The following WRAP73 variants were observed in gnomAD, a reference collection of about 807,000 sequenced individuals.
WRAP73 encodes WD repeat containing, antisense to TP73.
A neutral mutation model predicts 59.6 loss-of-function variants in WRAP73; 55 were observed. The ratio of observed to expected loss-of-function variants is 0.92; its 90% CI spans 0.74 to 1.15. The LOEUF (loss-of-function observed/expected upper bound fraction) is 1.15. Among genes scored for constraint, WRAP73 ranks in the 50% most tolerant of loss-of-function variants. WRAP73 has a pLI of 0.00. For missense variants in WRAP73, 592 were observed against 608.1 expected (o/e 0.97, Z 0.28); for synonymous variants, 265 against 258.2 (o/e 1.03, Z -0.25).
rs1035208739 is a variant in WRAP73 at position 3,639,028 on chromosome 1, T to C, written c.340-206A>G. On this transcript the variant is annotated intron_variant, in intron 3 of 11. Transcript: ENST00000270708. This position sits in a 1 kb window ranked among gnomAD's most constrained non-coding sequence, Gnocchi z 4.3. ...ACGGTAAATTTGGTGTTCTTGGTTT[T>C]CTGTTGTTGTTGTTTTATACCAAAA... 7.3e-6 allele frequency: 4 copies of C among 551,280 alleles called. No individual in the cohort carries two copies. In the African/African-American group the frequency reaches 7.8e-5, roughly 11 times the overall value. 34.1% of individuals were successfully genotyped at this position (551,280 alleles called of 1,614,324 possible).
Position 3,644,769 on chromosome 1 carries a change from G to T in WRAP73, c.339+1897C>A, listed in dbSNP as rs1326874076. ...TAGCAAAGGTGTTTTCAATATTGGTGTGTGTGACATGGGATGCTCAACAAA... is the reference window on the plus strand; with the variant it reads ...TAGCAAAGGTGTTTTCAATATTGGTTTGTGTGACATGGGATGCTCAACAAA... On this transcript the variant is annotated intron_variant, in intron 3 of 11. Transcript: ENST00000270708. 2.6e-5 allele frequency among the ~76,000 whole-genome samples: 4 copies of T among 152,328 alleles called. No individual in the cohort carries two copies. The South Asian group carries it at 6.2e-4, about 24-fold the overall frequency.
rs1413064186 is a variant in WRAP73 at position 3,633,518 on chromosome 1, G to A, written c.817-15C>T. 10 of 1,576,352 alleles carry A rather than the reference G, an allele frequency of 6.3e-6. No individual in the cohort carries two copies. The highest frequency in any genetic ancestry group is 2.0e-5 in the Admixed American group (1 of 50,392). The stretch of plus-strand genomic sequence containing the variant: ...TTATACACCACCTGAAAGACACAAG[G>A]TGGCCACGCCCGGCTCAGGACAGGG... On this transcript the variant is annotated splice_polypyrimidine_tract_variant and intron_variant, in intron 8 of 11. Coordinates refer to ENST00000270708, the MANE Select transcript of WRAP73 (RefSeq NM_017818.4).
At chr1:3,631,223 C>T (rs1644529604) in intron 11 of WRAP73, 106 bp from the exon 12 acceptor site, 10 of 1,536,298 alleles carry the variant, frequency 6.5e-6, no homozygotes, top group Non-Finnish European at 8.8e-6. Context: ...GAGTGACCCA[C>T]ATAGGCAGAG....
Position 3,639,718 on chromosome 1 carries a change from C to T in WRAP73, c.340-896G>A, listed in dbSNP as rs1043441844. 2.0e-5 allele frequency: 3 copies of T among 152,006 alleles called. No homozygotes were observed. Among genetic ancestry groups the T allele is most frequent in the African/African-American group, 4.8e-5 (2 of 41,304 alleles). 9.4% of individuals were successfully genotyped at this position (152,006 alleles called of 1,614,324 possible). ...GGGGTGGGGTGCTGACTGCCAGCTC[C>T]GTGTGTGGGGACACAGGGCTGCGCA... On this transcript the variant is annotated intron_variant, in intron 3 of 11. Coordinates refer to ENST00000270708, the MANE Select transcript of WRAP73 (RefSeq NM_017818.4). This position sits in a 1 kb window ranked among gnomAD's most constrained non-coding sequence, Gnocchi z 4.3.
intron 9 of WRAP73, 146 bp from the exon 10 acceptor site, chr1:3,632,484 G>T: frequency 7.6e-7 from 1 of 1,315,482 alleles, no homozygotes; most frequent in South Asian, 1.3e-5. Context: ...GGCAGGAAGA[G>T]CTAAGCAAAG....
intron 3 of WRAP73, among the ~76,000 whole-genome samples, chr1:3,642,147 G>A (rs1644652184): frequency 6.6e-6 from 1 of 152,226 alleles, no homozygotes; most frequent in African/African-American, 2.4e-5. Flanking sequence ...CAGCTATACA[G>A]GAGGCTGGGA....
Position 3,630,782 on chromosome 1 carries a change from G to A in WRAP73, c.*193C>T. On this transcript the variant is annotated 3_prime_UTR_variant, in exon 12 of 12. Coordinates refer to ENST00000270708, the MANE Select transcript of WRAP73 (RefSeq NM_017818.4). ...AGAAGAGAAGTAGTTGTATAAATCA[G>A]CAAGTATTTATTTTAAATAATAAAA... 1.4e-6 allele frequency: 1 copy of A among 704,594 alleles called. No homozygotes were observed. Among genetic ancestry groups the A allele is most frequent in the South Asian group, 2.2e-5 (1 of 45,012 alleles). The allele number at this position is 704,594 out of a possible 1,614,324, so 43.6% of individuals were successfully genotyped here.
chr1:3,646,924 C>T lies in WRAP73; in HGVS notation c.223-142G>A, dbSNP rs76982295. ...TCAGCAGTCTATAGCGAGGCCTCGC[C>T]GAGAGACAACTCCCTTAAAACCAGC... On this transcript the variant is annotated intron_variant, in intron 2 of 11. Transcript: ENST00000270708. The surrounding 1 kb of genome is among the most constrained non-coding windows in gnomAD (Gnocchi z 5.1). 3,536 of 614,612 alleles carry T rather than the reference C, an allele frequency of 5.8e-3. 94 individuals carry two copies. In the African/African-American group the frequency reaches 0.062, roughly 11 times the overall value. 38.1% of individuals were successfully genotyped at this position (614,612 alleles called of 1,614,324 possible).
chr1:3,649,614 G>T (rs907082339), intron 1 of WRAP73, among the ~76,000 whole-genome samples: 1 of 149,816 alleles, frequency 6.7e-6, no homozygotes, highest in South Asian at 2.1e-4. Context: ...GCACCTGTCC[G>T]GCCCCCATAT....
intron 10 of WRAP73, 192 bp from the exon 11 acceptor site, chr1:3,631,849 G>A: frequency 7.1e-7 from 1 of 1,409,414 alleles, no homozygotes; most frequent in Non-Finnish European, 9.2e-7. Flanking sequence ...GGCCATCACG[G>A]GCTGTAAGGG....
At position 3,631,555 on chromosome 1, in the gene WRAP73, T is replaced by C. The variant is rs773187015; in HGVS notation, c.1151A>G (p.Gln384Arg). The C allele has an allele frequency of 3.1e-6, 5 of 1,611,612 alleles. No homozygotes were observed. Among genetic ancestry groups the C allele is most frequent in the East Asian group, 2.2e-5 (1 of 44,874 alleles). Residue 384 changes from glutamine to arginine, a missense_variant, in exon 11 of 12, where the codon CAG becomes CGG. Gln to Arg is a conservative substitution (Grantham distance 43). Transcript: ENST00000270708. ...CGTGCAGATGGCCAGCCGCGGCTGC[T>C]GCGGGTCCCACTGAAATGCGCGCAC... is the stretch of plus-strand genomic sequence containing the variant. ...SPVRAFQWDP[Q>R]QPRLAICTGG...
At chr1:3,632,031 G>A (rs1488912710) in intron 10 of WRAP73, 182 bp downstream of exon 10, 24 of 1,484,086 alleles carry the variant, frequency 1.6e-5, no homozygotes, top group Admixed American at 4.8e-5. Context: ...ACCTGCGGCT[G>A]CTGCAGGACA....
chr1:3,646,580 C>T lies in WRAP73; in HGVS notation c.339+86G>A. 1 of 1,110,020 alleles carries T rather than the reference C, an allele frequency of 9.0e-7. No homozygotes were observed. The highest frequency in any genetic ancestry group is 2.3e-5 in the Admixed American group (1 of 42,662). 68.8% of individuals were successfully genotyped at this position (1,110,020 alleles called of 1,614,324 possible). A position where few individuals can be genotyped will look rare whatever the true frequency, so the allele number is the denominator to read the frequency against. On this transcript the variant is annotated intron_variant, in intron 3 of 11. Transcript: ENST00000270708. This position sits in a 1 kb window ranked among gnomAD's most constrained non-coding sequence, Gnocchi z 5.1. Reference sequence around the variant, plus strand: ...TAAGGGGAGACTAGCATACTCCAAACACACCCCCTCTCGCACTCCCCAGCT... The same window carrying T: ...TAAGGGGAGACTAGCATACTCCAAATACACCCCCTCTCGCACTCCCCAGCT...
chr1:3,646,574 T>G lies in WRAP73; in HGVS notation c.339+92A>C. 9.5e-7 allele frequency: 1 copy of G among 1,050,546 alleles called. No homozygotes were observed. The highest frequency in any genetic ancestry group is 1.4e-6 in the Non-Finnish European group (1 of 713,666). 65.1% of individuals were successfully genotyped at this position (1,050,546 alleles called of 1,614,324 possible). On this transcript the variant is annotated intron_variant, in intron 3 of 11. Transcript: ENST00000270708. This position sits in a 1 kb window ranked among gnomAD's most constrained non-coding sequence, Gnocchi z 5.1. ...TGAGGATAAGGGGAGACTAGCATAC[T>G]CCAAACACACCCCCTCTCGCACTCC...
intron 3 of WRAP73, among the ~76,000 whole-genome samples, chr1:3,640,036 A>G (rs1483171308): frequency 1.3e-5 from 2 of 152,244 alleles, no homozygotes; most frequent in Non-Finnish European, 2.9e-5. Context: ...CTTACAACAG[A>G]AAAGAAAATC....
chr1:3,634,588 C>T (rs1016497939), intron 8 of WRAP73: 3 of 232,306 alleles, frequency 1.3e-5, no homozygotes, highest in East Asian at 2.1e-4. Context: ...TCTCTCCAGC[C>T]GCACTCTGCA....
intron 1 of WRAP73, among the ~76,000 whole-genome samples, chr1:3,647,887 T>C (rs1644706279): frequency 6.6e-6 from 1 of 152,238 alleles, no homozygotes; most frequent in Admixed American, 6.5e-5. Context: ...GGAAGTAGCA[T>C]TGGGAGAAAG....
intron 3 of WRAP73, among the ~76,000 whole-genome samples, chr1:3,645,714 A>G (rs1467962791): frequency 6.6e-6 from 1 of 152,230 alleles, no homozygotes; most frequent in Non-Finnish European, 1.5e-5. Context: ...CCTGGTATCT[A>G]AACACTTGAC....
Position 3,636,050 on chromosome 1 carries a change from A to G in WRAP73, c.517-20T>C, listed in dbSNP as rs1644586700. On this transcript the variant is annotated intron_variant, in intron 5 of 11. Transcript: ENST00000270708. ...AAAATGCTTCCAAAGGAAGGGGGGG[A>G]AACATTAAATTTGGAAAATATTTTC... 7 of 1,590,588 alleles carry G rather than the reference A, an allele frequency of 4.4e-6. No individual in the cohort carries two copies. The highest frequency in any genetic ancestry group is 6.0e-6 in the Non-Finnish European group (7 of 1,160,548).
Sources: gnomAD v4.1 joint callset for allele counts (sites outside exome capture counted in the v4.1 genomes callset) on GRCh38, gnomAD v4.1.1 for gene constraint, Gnocchi (gnomAD v3.1) non-coding constraint, MANE v1.5 for transcripts, NCBI Gene and HGNC (gene_info 2026-07-23, HGNC 2026-07-21) for gene names.